Variants in CTNNA2 observed in about 807,000 individuals in gnomAD.
CTNNA2 encodes the protein catenin alpha 2.
In CTNNA2, 42 loss-of-function variants were observed where a neutral mutation model predicts 101.0. That is an observed-to-expected ratio of 0.42 (90% CI 0.32 to 0.54). The LOEUF (loss-of-function observed/expected upper bound fraction) is 0.54. CTNNA2 is among the 20% of genes least tolerant of loss of function. CTNNA2 has a pLI of 0.14. For synonymous variants in CTNNA2, 450 were observed against 456.4 expected (o/e 0.99, Z 0.18); for missense variants, 871 against 1,223.1 (o/e 0.71, Z 4.29).
chr2:79,976,908 C>G (rs939181662), intron 7 of CTNNA2, among the ~76,000 whole-genome samples: 3 of 152,114 alleles, frequency 2.0e-5, no homozygotes, highest in African/African-American at 7.2e-5. Flanking sequence ...CACATCATGG[C>G]TTCCTGCCTT....
chr2:79,250,496 CAG>C (rs891767136), intron 2 of CTNNA2, among the ~76,000 whole-genome samples: 14 of 152,092 alleles, frequency 9.2e-5, no homozygotes, highest in African/African-American at 3.1e-4. Flanking sequence ...AGTTTTTATG[CAG>C]AGAGTCCTAG....
chr2:80,286,435 A>T (rs1336979517), intron 7 of CTNNA2, among the ~76,000 whole-genome samples: 1 of 152,212 alleles, frequency 6.6e-6, no homozygotes, highest in Non-Finnish European at 1.5e-5. Context: ...TCATCCTGTT[A>T]TAGATAGGAT....
intron 7 of CTNNA2, among the ~76,000 whole-genome samples, chr2:79,954,949 A>G (rs1452057855): frequency 5.3e-5 from 8 of 152,124 alleles, no homozygotes; most frequent in Non-Finnish European, 1.0e-4. Flanking sequence ...CAGAAGAAAT[A>G]CCCTTCTCTT....
At chr2:79,693,165 A>G (rs968018953) in intron 2 of CTNNA2, among the ~76,000 whole-genome samples, 1 of 152,036 alleles carries the variant, frequency 6.6e-6, no homozygotes, top group East Asian at 1.9e-4. Flanking sequence ...TTTACACTGA[A>G]GAAGAACAAT....
At chr2:79,980,005 G>T (rs1691144061) in intron 7 of CTNNA2, among the ~76,000 whole-genome samples, 1 of 152,166 alleles carries the variant, frequency 6.6e-6, no homozygotes, top group Non-Finnish European at 1.5e-5. Context: ...ACCTCTAAGT[G>T]CTTCTCCATC....
intron 9 of CTNNA2, among the ~76,000 whole-genome samples, chr2:80,456,804 G>C (rs1335809987): frequency 1.3e-5 from 2 of 152,104 alleles, no homozygotes; most frequent in Non-Finnish European, 2.9e-5. Flanking sequence ...CATGGAGGTC[G>C]AGTAGAAGGT....
intron 7 of CTNNA2, among the ~76,000 whole-genome samples, chr2:80,148,630 AG>A (rs1309256037): frequency 1.3e-5 from 2 of 152,232 alleles, no homozygotes; most frequent in Non-Finnish European, 2.9e-5. Context: ...GGACGAGCAT[AG>A]TTTTCCCAAG....
intron 6 of CTNNA2, among the ~76,000 whole-genome samples, chr2:79,903,075 C>T (rs575796485): frequency 3.3e-5 from 5 of 152,202 alleles, no homozygotes; most frequent in South Asian, 2.1e-4. Flanking sequence ...TCTAATAAAA[C>T]TTTATTTGCA....
At chr2:79,720,109 A>G (rs765011545) in intron 2 of CTNNA2, among the ~76,000 whole-genome samples, 2 of 152,166 alleles carry the variant, frequency 1.3e-5, no homozygotes, top group South Asian at 2.1e-4. Flanking sequence ...TCTTTTGCAT[A>G]TGGCTAGCCA....
chr2:80,258,936 G>A (rs1558947810), intron 7 of CTNNA2, among the ~76,000 whole-genome samples: 1 of 152,084 alleles, frequency 6.6e-6, no homozygotes, highest in Admixed American at 6.6e-5. Flanking sequence ...TTATGATTAA[G>A]TCTACTTCTA....
intron 9 of CTNNA2, among the ~76,000 whole-genome samples, chr2:80,507,138 G>A (rs567136533): frequency 3.5e-4 from 54 of 152,220 alleles, no homozygotes; most frequent in African/African-American, 4.6e-4. Context: ...TAACCATTTC[G>A]TTCCCTAGTC....
In CTNNA2 at chr2:80,273,112, A is replaced by G. The variant is rs1038539480; in HGVS notation, c.1057-120099A>G. On this transcript the variant is annotated intron_variant, in intron 7 of 18. Coordinates refer to ENST00000402739, the MANE Select transcript of CTNNA2 (RefSeq NM_001282597.3). ...GCAGAAGGAGAGAAGGAAGGAGGAA[A>G]GCAGTAGGATCAAAATGCAGTCACT... Among the ~76,000 whole-genome samples the G allele has an allele frequency of 4.1e-4, 63 of 152,210 alleles. 2 individuals carry two copies. Among genetic ancestry groups the G allele is most frequent in the Non-Finnish European group, 2.9e-5 (2 of 68,042 alleles).
intron 18 of CTNNA2, among the ~76,000 whole-genome samples, chr2:80,640,038 G>A (rs1185202778): frequency 6.6e-6 from 1 of 151,946 alleles, no homozygotes; most frequent in Non-Finnish European, 1.5e-5. Context: ...GTAGGCGGAG[G>A]TTGCAGTGAG....
At chr2:79,993,772 AG>A (rs1335065683) in intron 7 of CTNNA2, among the ~76,000 whole-genome samples, 36 of 152,294 alleles carry the variant, frequency 2.4e-4, no homozygotes, top group Middle Eastern at 3.4e-3. Context: ...GAGAATAAAA[AG>A]AAGTGGCTCT....
At chr2:80,113,863 A>G (rs1208292757) in intron 7 of CTNNA2, among the ~76,000 whole-genome samples, 2 of 152,208 alleles carry the variant, frequency 1.3e-5, no homozygotes, top group African/African-American at 2.4e-5. Context: ...TTAATTCTGG[A>G]TATTGTGTGC....
At chr2:79,473,202 T>A (rs1034433696) in intron 4 of CTNNA2, among the ~76,000 whole-genome samples, 1 of 152,168 alleles carries the variant, frequency 6.6e-6, no homozygotes, top group African/African-American at 2.4e-5. Context: ...TTTATAACAA[T>A]CTAAGCTTCT....
intron 7 of CTNNA2, among the ~76,000 whole-genome samples, chr2:80,224,735 G>A (rs1367644510): frequency 1.3e-5 from 2 of 152,046 alleles, no homozygotes; most frequent in Non-Finnish European, 2.9e-5. Context: ...TGAGCCACTC[G>A]TGCCCAGCCA....
chr2:80,331,137 G>A (rs2149262955), intron 7 of CTNNA2, among the ~76,000 whole-genome samples: 1 of 151,848 alleles, frequency 6.6e-6, no homozygotes, highest in South Asian at 2.1e-4. Flanking sequence ...AAGAAGTGCA[G>A]CCCTTTTATC....
chr2:80,289,413 TTAGAGA>T (rs1675045356), intron 7 of CTNNA2, among the ~76,000 whole-genome samples: 1 of 152,160 alleles, frequency 6.6e-6, no homozygotes, highest in Admixed American at 6.5e-5. Context: ...TCTCGCCTCT[TTAGAGA>T]TAATTTTTAT....
Sources: gnomAD v4.1 joint callset for allele counts (sites outside exome capture counted in the v4.1 genomes callset) on GRCh38, gnomAD v4.1.1 for gene constraint, MANE v1.5 for transcripts, NCBI Gene and HGNC (gene_info 2026-07-23, HGNC 2026-07-21) for gene names.